PARD3B: variants seen among roughly 807,000 people sequenced by gnomAD.
The protein encoded by PARD3B is par-3 family cell polarity regulator beta, also known as partitioning defective 3 homolog B.
In PARD3B, 103 loss-of-function variants were observed where a neutral mutation model predicts 130.2. That is an observed-to-expected ratio of 0.79 (90% confidence interval 0.67 to 0.93). The LOEUF is 0.93. PARD3B is among the 40% of genes least tolerant of loss of function. The probability of loss-of-function intolerance (pLI) is 0.00; values close to 1 mark genes in which losing one functional copy is unlikely to be tolerated. For missense variants in PARD3B, 1,609 were observed against 1,499.2 expected (o/e 1.07, Z -1.21); for synonymous variants, 583 against 553.2 (o/e 1.05, Z -0.76).
At chr2:204,917,422 A>G (rs961204735) in intron 2 of PARD3B, among the ~76,000 whole-genome samples, 2 of 152,166 alleles carry the variant, frequency 1.3e-5, no homozygotes, top group African/African-American at 4.8e-5. Flanking sequence ...GATTTATTTC[A>G]TGTGAGGAGT....
chr2:205,345,995 A>AC (rs1390063265), intron 18 of PARD3B, among the ~76,000 whole-genome samples: 1 of 107,676 alleles, frequency 9.3e-6, no homozygotes, highest in Non-Finnish European at 2.2e-5. Flanking sequence ...ACATAGTGAA[A>AC]CCCTGTCTCT....
intron 4 of PARD3B, among the ~76,000 whole-genome samples, chr2:205,055,895 G>A (rs999011939): frequency 1.2e-4 from 19 of 152,130 alleles, no homozygotes; most frequent in African/African-American, 4.6e-4. Flanking sequence ...CAGCGTAAAT[G>A]CCTACATATG....
chr2:205,156,226 C>G (rs994361793), intron 10 of PARD3B, among the ~76,000 whole-genome samples: 6 of 123,590 alleles, frequency 4.9e-5, no homozygotes, highest in East Asian at 2.3e-4. Flanking sequence ...AACACATGGA[C>G]ACAGGAAGGG....
intron 2 of PARD3B, among the ~76,000 whole-genome samples, chr2:204,830,873 G>T (rs186405103): frequency 7.2e-5 from 11 of 152,248 alleles, no homozygotes; most frequent in South Asian, 2.1e-4. Context: ...GTCCCATTAG[G>T]TCTCTGATAT....
At chr2:204,868,895 T>G (rs1215757574) in intron 2 of PARD3B, among the ~76,000 whole-genome samples, 2 of 152,102 alleles carry the variant, frequency 1.3e-5, no homozygotes. Flanking sequence ...GCATGCAACT[T>G]TGGTGACTGA....
intron 22 of PARD3B, among the ~76,000 whole-genome samples, chr2:205,593,691 C>T (rs904968525): frequency 1.3e-5 from 2 of 152,074 alleles, no homozygotes; most frequent in African/African-American, 4.8e-5. Context: ...TGAAGTGGGA[C>T]GCAATTACCC....
intron 1 of PARD3B, among the ~76,000 whole-genome samples, chr2:204,565,969 C>T (rs1300750084): frequency 6.6e-6 from 1 of 152,104 alleles, no homozygotes; most frequent in Admixed American, 6.6e-5. Context: ...GAAATTTTAC[C>T]TGCTTCATCA....
Position 205,229,388 on chromosome 2 carries a change from G to A in PARD3B, c.2141-16390G>A, listed in dbSNP as rs1357588935. Among the ~76,000 whole-genome samples, 1 of 152,204 alleles carries A rather than the reference G, an allele frequency of 6.6e-6. No homozygotes were observed. Among genetic ancestry groups the A allele is most frequent in the Non-Finnish European group, 1.5e-5 (1 of 68,032 alleles). On this transcript the variant is annotated intron_variant, in intron 15 of 22. Transcript: ENST00000406610. The surrounding 1 kb of genome is among the most constrained non-coding windows in gnomAD (Gnocchi z 5.2). ...GGCACCCCAAGCCCAGTAATGCTGT[G>A]ACTCTTACAGACTTGTAGAGGTGCC...
chr2:205,519,585 G>A (rs1177893831), intron 21 of PARD3B, among the ~76,000 whole-genome samples: 1 of 151,834 alleles, frequency 6.6e-6, no homozygotes, highest in Non-Finnish European at 1.5e-5. Flanking sequence ...TGTCATTCTA[G>A]CCAATTCAAC....
intron 4 of PARD3B, among the ~76,000 whole-genome samples, chr2:205,056,438 T>C (rs1699638356): frequency 6.6e-6 from 1 of 152,028 alleles, no homozygotes; most frequent in Non-Finnish European, 1.5e-5. Context: ...TGGAAACATA[T>C]AGCATCCTCA....
At position 205,054,432 on chromosome 2, in the gene PARD3B, A is replaced by ATT. The variant is rs1276333044; in HGVS notation, c.504+6743_504+6744insTT. Reference sequence around the variant, plus strand: ...TATATATATATATATATATATATATATATATTTTTTTTTTTTTTTTTTTTT... The same window carrying ATT: ...TATATATATATATATATATATATATATTTATATTTTTTTTTTTTTTTTTTTTT... On this transcript the variant is annotated intron_variant, in intron 4 of 22. Coordinates refer to ENST00000406610, the MANE Select transcript of PARD3B (RefSeq NM_001302769.2). Among the ~76,000 whole-genome samples, 58 of 30,980 alleles carry ATT rather than the reference A, an allele frequency of 1.9e-3. 1 individual carries two copies. Among genetic ancestry groups the ATT allele is most frequent in the Admixed American group, 6.2e-3 (14 of 2,274 alleles). The allele number at this position is 30,980 out of a possible 152,430, so 20.3% of individuals were successfully genotyped here. A position where few individuals can be genotyped will look rare whatever the true frequency, so the allele number is the denominator to read the frequency against.
intron 3 of PARD3B, among the ~76,000 whole-genome samples, chr2:204,968,271 T>C (rs1201362148): frequency 6.6e-6 from 1 of 152,250 alleles, no homozygotes; most frequent in African/African-American, 2.4e-5. Flanking sequence ...ATTTATGTTT[T>C]TCTGGAATCT....
chr2:205,017,710 C>A (rs936370107), intron 3 of PARD3B, among the ~76,000 whole-genome samples: 3 of 152,118 alleles, frequency 2.0e-5, no homozygotes, highest in African/African-American at 7.2e-5. Flanking sequence ...TACTTAATTT[C>A]TGCTTAATTT....
chr2:205,522,650 TTGGCTTG>T (rs2051129336), intron 21 of PARD3B, among the ~76,000 whole-genome samples: 5 of 152,142 alleles, frequency 3.3e-5, no homozygotes, highest in Non-Finnish European at 1.5e-5. Context: ...CAAAAATATC[TTGGCTTG>T]TGGTACTGGC....
At chr2:205,427,476 TTC>T (rs2047182326) in intron 19 of PARD3B, among the ~76,000 whole-genome samples, 1 of 152,238 alleles carries the variant, frequency 6.6e-6, no homozygotes, top group Non-Finnish European at 1.5e-5. Context: ...TGTCTATGAT[TTC>T]TTTGCTAATA....
intron 2 of PARD3B, among the ~76,000 whole-genome samples, chr2:204,910,465 G>A (rs2047192001): frequency 6.6e-6 from 1 of 152,112 alleles, no homozygotes; most frequent in Non-Finnish European, 1.5e-5. Context: ...TCAAGCTAAG[G>A]GAAATGGTGG....
chr2:204,823,945 A>C (rs1464254468), intron 2 of PARD3B, among the ~76,000 whole-genome samples: 3 of 152,044 alleles, frequency 2.0e-5, no homozygotes, highest in Non-Finnish European at 2.9e-5. Flanking sequence ...GTCTCAAAAA[A>C]AAAAAAAATA....
At chr2:204,555,620 C>A (rs1037670608) in intron 1 of PARD3B, among the ~76,000 whole-genome samples, 1 of 152,062 alleles carries the variant, frequency 6.6e-6, no homozygotes, top group African/African-American at 2.4e-5. Context: ...CTTGGTGAAT[C>A]ATCGAACCTG....
intron 5 of PARD3B, among the ~76,000 whole-genome samples, chr2:205,107,374 AC>A (rs1472137446): frequency 1.3e-5 from 2 of 152,214 alleles, no homozygotes; most frequent in Non-Finnish European, 2.9e-5. Flanking sequence ...TAATTACATT[AC>A]TTCTTTAATA....
Sources: gnomAD v4.1 joint callset for allele counts (sites outside exome capture counted in the v4.1 genomes callset) on GRCh38, gnomAD v4.1.1 for gene constraint, Gnocchi (gnomAD v3.1) non-coding constraint, MANE v1.5 for transcripts, NCBI Gene and HGNC (gene_info 2026-07-23, HGNC 2026-07-21) for gene names.